NKIRAS1: variants seen among roughly 807,000 people sequenced by gnomAD.
The protein encoded by NKIRAS1 is NFKB inhibitor interacting Ras like 1.
Under a neutral mutation model 19.8 loss-of-function variants are expected in NKIRAS1, and 16 were observed. That is an observed-to-expected ratio of 0.81 (90% CI 0.55 to 1.23). The LOEUF (loss-of-function observed/expected upper bound fraction) is 1.23. Among genes scored for constraint, NKIRAS1 ranks in the 50% most tolerant of loss-of-function variants. The probability of loss-of-function intolerance (pLI) is 0.00; values close to 1 mark genes in which losing one functional copy is unlikely to be tolerated. For synonymous variants in NKIRAS1, 88 were observed against 79.0 expected (o/e 1.11, Z -0.61); for missense variants, 184 against 220.0 (o/e 0.84, Z 1.04).
upstream of NKIRAS1, among the ~76,000 whole-genome samples, chr3:23,921,319 C>T (rs1705068845): frequency 6.6e-6 from 1 of 152,174 alleles, no homozygotes; most frequent in Admixed American, 6.6e-5. Context: ...ATCAAAAGTC[C>T]TCATGATAGC....
upstream of NKIRAS1, chr3:23,917,759 C>T (rs796108753): frequency 5.2e-6 from 7 of 1,336,018 alleles, no homozygotes; most frequent in Middle Eastern, 2.7e-4. Context: ...CGGCGGTTTC[C>T]TTGTTTTTGT....
chr3:23,946,441 C>G (rs6803587), exon 1 of NKIRAS1: 35,496 of 307,448 alleles, frequency 0.12, 2,924 homozygotes, highest in African/African-American at 0.28. Context: ...TGAGGTGCTT[C>G]GATCCCGAGC....
At chr3:23,918,522 C>T, upstream of NKIRAS1, 1 of 1,613,980 alleles carries the variant, frequency 6.2e-7, no homozygotes, top group Non-Finnish European at 8.5e-7. Context: ...GCAAGCCTGT[C>T]CATCATGGTG....
At chr3:23,913,174 T>C (rs527905262) in intron 1 of NKIRAS1, among the ~76,000 whole-genome samples, 42 of 152,246 alleles carry the variant, frequency 2.8e-4, no homozygotes, top group Admixed American at 5.2e-4. Flanking sequence ...AAATTATACA[T>C]TGTTTTGTAT....
At chr3:23,908,266 C>T (rs1703267771) in intron 3 of NKIRAS1, among the ~76,000 whole-genome samples, 1 of 152,108 alleles carries the variant, frequency 6.6e-6, no homozygotes, top group Non-Finnish European at 1.5e-5. Flanking sequence ...TTTAATTTAG[C>T]AGAGTAAAAA....
At position 23,938,323 on chromosome 3, in the gene NKIRAS1, T is replaced by C. The variant is rs115323177; in HGVS notation, c.-140+8000A>G. 8.3e-3 allele frequency among the ~76,000 whole-genome samples: 1,243 copies of C among 150,468 alleles called. 17 individuals carry two copies. The highest frequency in any genetic ancestry group is 0.029 in the African/African-American group (1,174 of 40,982). Reference sequence around the variant, plus strand: ...CTCCCAGGCTCAAACGATCCTCCCATCTCAGCTGCCTGGGTAGCTGGGACC... The same window carrying C: ...CTCCCAGGCTCAAACGATCCTCCCACCTCAGCTGCCTGGGTAGCTGGGACC... On this transcript the variant is annotated intron_variant, in intron 1 of 4. Coordinates refer to the NKIRAS1 transcript ENST00000421515.
At chr3:23,942,334 A>C (rs1216297470) in intron 1 of NKIRAS1, among the ~76,000 whole-genome samples, 1 of 152,102 alleles carries the variant, frequency 6.6e-6, no homozygotes. Flanking sequence ...CCACAAACGC[A>C]CAGCTTCTCC....
At position 23,926,664 on chromosome 3, in the gene NKIRAS1, G is replaced by A. The variant is rs184319259; in HGVS notation, c.-139-15214C>T. 1.7e-4 allele frequency among the ~76,000 whole-genome samples: 26 copies of A among 152,120 alleles called. No individual in the cohort carries two copies. Among genetic ancestry groups the A allele is most frequent in the African/African-American group, 6.0e-4 (25 of 41,446 alleles). ...TAATTACCACTTCCTTTGTCAGGGC[G>A]ATTTTAGGTTTTTAGAAGTTTTTGA... is the stretch of plus-strand genomic sequence containing the variant. On this transcript the variant is annotated intron_variant, in intron 1 of 4. Coordinates refer to the NKIRAS1 transcript ENST00000421515. This position sits in a 1 kb window ranked among gnomAD's most constrained non-coding sequence, Gnocchi z 4.3.
chr3:23,907,262 TACAC>T lies in NKIRAS1; in HGVS notation c.94+3545_94+3548del, dbSNP rs1302165284. Among the ~76,000 whole-genome samples the T allele has an allele frequency of 7.9e-5, 12 of 152,340 alleles. No individual in the cohort carries two copies. The East Asian group carries it at 2.3e-3, about 29-fold the overall frequency. ...TTTATTGTAAGAGTACAGTATATAA[TACAC>T]ACAACATATAAGACATGGCAATTAA... On this transcript the variant is annotated intron_variant, in intron 3 of 4. Transcript: ENST00000425478.
intron 4 of NKIRAS1, among the ~76,000 whole-genome samples, chr3:23,895,529 T>G (rs1445454284): frequency 6.6e-6 from 1 of 152,150 alleles, no homozygotes; most frequent in Non-Finnish European, 1.5e-5. Context: ...ATTCACTCCC[T>G]TGCCCCCATT....
Position 23,901,058 on chromosome 3 carries a change from A to C in NKIRAS1, c.95-9T>G. On this transcript the variant is annotated splice_polypyrimidine_tract_variant and intron_variant, in intron 3 of 4. Coordinates refer to ENST00000425478, the MANE Select transcript of NKIRAS1 (RefSeq NM_020345.4). The stretch of plus-strand genomic sequence containing the variant: ...TTCGCAATCTTCCATTCCTGGGATT[A>C]AGAAAACAAATTACTCTTTTTGGCT... 1.2e-6 allele frequency: 2 copies of C among 1,612,034 alleles called. No individual in the cohort carries two copies. Among genetic ancestry groups the C allele is most frequent in the South Asian group, 1.1e-5 (1 of 91,006 alleles).
At chr3:23,945,673 C>A in intron 1 of NKIRAS1, 1 of 830,494 alleles carries the variant, frequency 1.2e-6, no homozygotes. Flanking sequence ...GGGGCGGCGG[C>A]AGGGGGTGTC....
At chr3:23,914,264 G>A (rs997535283) in intron 1 of NKIRAS1, among the ~76,000 whole-genome samples, 1 of 151,556 alleles carries the variant, frequency 6.6e-6, no homozygotes, top group Admixed American at 6.6e-5. Context: ...ATCAGAAACA[G>A]CTCCCCAAAA....
intron 1 of NKIRAS1, among the ~76,000 whole-genome samples, chr3:23,911,865 C>T (rs1273246296): frequency 6.6e-6 from 1 of 150,530 alleles, no homozygotes; most frequent in East Asian, 2.0e-4. Flanking sequence ...CAAGGGCAAG[C>T]GATTCTCCTG....
chr3:23,935,755 G>GATA (rs1225047527), intron 1 of NKIRAS1, among the ~76,000 whole-genome samples: 5 of 151,702 alleles, frequency 3.3e-5, no homozygotes, highest in East Asian at 2.0e-4. Context: ...CTAGAATGTA[G>GATA]ATAAATACAT....
upstream of NKIRAS1, chr3:23,920,121 A>G: frequency 1.0e-6 from 1 of 985,862 alleles, no homozygotes; most frequent in Non-Finnish European, 1.2e-6. Context: ...TAAGATTGGT[A>G]AGCTAGCAAT....
intron 1 of NKIRAS1, among the ~76,000 whole-genome samples, chr3:23,928,262 C>T (rs1222509955): frequency 6.6e-6 from 1 of 151,120 alleles, no homozygotes; most frequent in Non-Finnish European, 1.5e-5. Context: ...TGCACTCCAG[C>T]CTGGGCAACA....
At chr3:23,912,657 G>C (rs748066981) in intron 1 of NKIRAS1, among the ~76,000 whole-genome samples, 19 of 152,132 alleles carry the variant, frequency 1.2e-4, no homozygotes, top group Non-Finnish European at 2.4e-4. Context: ...TCTAGAACTA[G>C]AAATACCATT....
At chr3:23,946,226 A>C (rs905554000) in intron 1 of NKIRAS1, 1 of 985,310 alleles carries the variant, frequency 1.0e-6, no homozygotes, top group Admixed American at 6.1e-5. Flanking sequence ...ACCGCAGTGC[A>C]CCGGACGCCG....
Sources: allele counts gnomAD v4.1 joint callset (sites outside exome capture counted in the v4.1 genomes callset), GRCh38; gene constraint gnomAD v4.1.1; non-coding constraint Gnocchi (gnomAD v3.1); transcripts MANE v1.5; gene names NCBI Gene and HGNC (gene_info 2026-07-23, HGNC 2026-07-21).